The following SERPINI2 variants were observed in gnomAD, a reference collection of about 807,000 sequenced individuals.
The protein encoded by SERPINI2 is serpin family I member 2, also known as serpin I2.
A neutral mutation model predicts 47.3 loss-of-function variants in SERPINI2; 48 were observed. The ratio of observed to expected loss-of-function variants is 1.02; its 90% confidence interval spans 0.81 to 1.29. The LOEUF (loss-of-function observed/expected upper bound fraction) is 1.29, where lower values mean the gene tolerates loss of function less well. Ranked by LOEUF, SERPINI2 falls within the 50% of genes most tolerant of loss-of-function variation. The pLI is 0.00. For missense variants in SERPINI2, 448 were observed against 456.9 expected, an observed-to-expected ratio of 0.98 and a Z score of 0.18; for synonymous variants, 135 against 149.3, an observed-to-expected ratio of 0.90 and a Z score of 0.70.
chr3:167,463,059 C>T (rs13080501), intron 5 of SERPINI2, among the ~76,000 whole-genome samples: 14,172 of 151,896 alleles, frequency 0.093, 688 homozygotes, highest in Non-Finnish European at 0.11. Flanking sequence ...TTGATAAAAC[C>T]ACAACTCAAA....
chr3:167,459,980 A>G (rs1385114421), intron 5 of SERPINI2, among the ~76,000 whole-genome samples: 1 of 152,204 alleles, frequency 6.6e-6, no homozygotes, highest in African/African-American at 2.4e-5. Flanking sequence ...AGGAAGACCA[A>G]GGACTTCCAG....
At chr3:167,447,625 G>A (rs1168907475) in intron 7 of SERPINI2, among the ~76,000 whole-genome samples, 1 of 152,124 alleles carries the variant, frequency 6.6e-6, no homozygotes, top group African/African-American at 2.4e-5. Flanking sequence ...TTCAAATTCT[G>A]CTGTCAATCA....
At chr3:167,447,748 G>T (rs758090465) in intron 7 of SERPINI2, among the ~76,000 whole-genome samples, 2 of 152,116 alleles carry the variant, frequency 1.3e-5, no homozygotes, top group Non-Finnish European at 2.9e-5. Context: ...GAAAGCAGCT[G>T]GAAAATTTGT....
At chr3:167,446,785 A>T (rs1422068042) in intron 7 of SERPINI2, 1 of 178,994 alleles carries the variant, frequency 5.6e-6, no homozygotes, top group Non-Finnish European at 1.2e-5. Context: ...TTTAAACAGT[A>T]ATTTTCTGTT....
chr3:167,453,020 G>T, exon 6 of SERPINI2: 1 of 1,566,646 alleles, frequency 6.4e-7, no homozygotes, highest in African/African-American at 1.4e-5. Context: ...TCTACTTTTT[G>T]TTCTACTTTA....
intron 5 of SERPINI2, among the ~76,000 whole-genome samples, chr3:167,459,353 C>T (rs1203602016): frequency 6.6e-6 from 1 of 152,082 alleles, no homozygotes; most frequent in Non-Finnish European, 1.5e-5. Flanking sequence ...GGACTACAGG[C>T]GTGAGCCACC....
intron 5 of SERPINI2, among the ~76,000 whole-genome samples, chr3:167,464,546 A>C (rs980715728): frequency 3.3e-5 from 5 of 152,172 alleles, no homozygotes; most frequent in African/African-American, 1.2e-4. Context: ...AAGGAAATTT[A>C]GAAATAAAAC....
chr3:167,455,479 C>A (rs1275228027), intron 5 of SERPINI2, among the ~76,000 whole-genome samples: 1 of 151,750 alleles, frequency 6.6e-6, no homozygotes, highest in African/African-American at 2.4e-5. Flanking sequence ...AGTCTTGGAT[C>A]AATTTCCCTC....
chr3:167,464,401 G>T (rs181889935), intron 5 of SERPINI2, among the ~76,000 whole-genome samples: 253 of 152,216 alleles, frequency 1.7e-3, no homozygotes, highest in African/African-American at 5.9e-3. Context: ...CATTAAAAAT[G>T]TTAATGAGAC....
chr3:167,468,375 C>A (rs899525322), intron 2 of SERPINI2, among the ~76,000 whole-genome samples: 3 of 151,806 alleles, frequency 2.0e-5, no homozygotes, highest in African/African-American at 7.3e-5. Context: ...AAGCTAGCAG[C>A]CCATAGGTCA....
At chr3:167,452,829 G>C (rs894843687) in intron 6 of SERPINI2, 107 bp downstream of exon 6, 1 of 612,188 alleles carries the variant, frequency 1.6e-6, no homozygotes, top group South Asian at 2.5e-5. Context: ...TTCACTGTGC[G>C]TATATTTATC....
At chr3:167,450,973 A>G (rs1293911851) in intron 6 of SERPINI2, among the ~76,000 whole-genome samples, 1 of 152,236 alleles carries the variant, frequency 6.6e-6, no homozygotes, top group Non-Finnish European at 1.5e-5. Flanking sequence ...AAACTCATTC[A>G]TTATACCTTC....
chr3:167,470,550 C>CTTTTTTTT lies in SERPINI2; in HGVS notation c.247+1030_247+1037dup, dbSNP rs536884425. ...AGATAGCTGAGGAGATGAGCAACAA[C>CTTTTTTTT]TTTTTTTTTTTTTTTTTTTTTTTTT... On this transcript the variant is annotated intron_variant, in intron 2 of 8. Transcript: ENST00000264677. Among the ~76,000 whole-genome samples the CTTTTTTTT allele has an allele frequency of 1.0e-3, 95 of 93,028 alleles. 7 individuals carry two copies. The highest frequency in any genetic ancestry group is 4.2e-3 in the East Asian group (14 of 3,300). 61.0% of individuals were successfully genotyped at this position (93,028 alleles called of 152,430 possible).
chr3:167,462,537 C>G (rs1431162432), intron 5 of SERPINI2, among the ~76,000 whole-genome samples: 1 of 152,178 alleles, frequency 6.6e-6, no homozygotes, highest in East Asian at 1.9e-4. Context: ...TGGATTAGAG[C>G]CCGGCCTAAT....
chr3:167,465,151 A>G (rs1750096587), intron 5 of SERPINI2, 55 bp downstream of exon 5: 1 of 1,453,388 alleles, frequency 6.9e-7, no homozygotes, highest in Non-Finnish European at 9.4e-7. Context: ...TGACTGCTCA[A>G]ATTCCTATGT....
rs1475253891 is a variant in SERPINI2 at position 167,446,482 on chromosome 3, C to G, written c.1052-1G>C. The G allele has an allele frequency of 5.7e-6, 9 of 1,568,932 alleles. No individual in the cohort carries two copies. The highest frequency in any genetic ancestry group is 7.8e-6 in the Non-Finnish European group (9 of 1,148,044). Reference sequence around the variant, plus strand: ...CTCATGATCACAGGGATGTGTATGCCTATAAAATAGAGACAACAGTTATTT... The same window carrying G: ...CTCATGATCACAGGGATGTGTATGCGTATAAAATAGAGACAACAGTTATTT... On this transcript the variant is annotated splice_acceptor_variant, in intron 7 of 8. Transcript: ENST00000264677. LOFTEE classifies it high-confidence loss of function.
At chr3:167,452,044 A>G (rs1749654597) in intron 6 of SERPINI2, among the ~76,000 whole-genome samples, 1 of 152,166 alleles carries the variant, frequency 6.6e-6, no homozygotes, top group Non-Finnish European at 1.5e-5. Context: ...CTCCACCAGG[A>G]AAGTTTTTCA....
At chr3:167,455,605 AAG>A (rs1491062486) in intron 5 of SERPINI2, among the ~76,000 whole-genome samples, 20 of 141,188 alleles carry the variant, frequency 1.4e-4, no homozygotes, top group African/African-American at 4.0e-4. Context: ...AAAAAAAAAA[AAG>A]AAAAGAAAAG....
intron 2 of SERPINI2, among the ~76,000 whole-genome samples, chr3:167,470,379 A>G (rs1443455148): frequency 6.6e-6 from 1 of 152,118 alleles, no homozygotes; most frequent in African/African-American, 2.4e-5. Context: ...AAATTTCTAA[A>G]TACTGCTACT....
Sources: gnomAD v4.1 joint callset for allele counts (sites outside exome capture counted in the v4.1 genomes callset) on GRCh38, gnomAD v4.1.1 for gene constraint, MANE v1.5 for transcripts, NCBI Gene and HGNC (gene_info 2026-07-23, HGNC 2026-07-21) for gene names.